SIRT6: variants seen among roughly 807,000 people sequenced by gnomAD.
The protein encoded by SIRT6 is NAD-dependent protein deacylase sirtuin-6.
Under a neutral mutation model 33.6 loss-of-function variants are expected in SIRT6, and 21 were observed. The ratio of observed to expected loss-of-function variants is 0.62; its 90% confidence interval spans 0.44 to 0.90. SIRT6 has a LOEUF of 0.90. SIRT6 is among the 40% of genes least tolerant of loss of function. The probability of loss-of-function intolerance (pLI) is 0.00; values close to 1 mark genes in which losing one functional copy is unlikely to be tolerated. For missense variants in SIRT6, 504 were observed against 510.6 expected (o/e 0.99, Z 0.12); for synonymous variants, 221 against 223.9 (o/e 0.99, Z 0.12).
intron 1 of SIRT6, among the ~76,000 whole-genome samples, chr19:4,181,191 C>T (rs1967636310): frequency 6.6e-6 from 1 of 152,158 alleles, no homozygotes; most frequent in South Asian, 2.1e-4. Context: ...TCTGCTCCAG[C>T]CACACAGGTC....
Position 4,174,689 on chromosome 19 carries a change from T to C in SIRT6, c.996A>G (p.Lys332=). The C allele has an allele frequency of 6.8e-7, 1 of 1,461,774 alleles. No individual in the cohort carries two copies. The highest frequency in any genetic ancestry group is 2.7e-5 in the Admixed American group (1 of 36,712). The allele number at this position is 1,461,774 out of a possible 1,614,324, so 90.6% of individuals were successfully genotyped here. A position where few individuals can be genotyped will look rare whatever the true frequency, so the allele number is the denominator to read the frequency against. ...GGGCAGGGCTGGTGGGCCGCTCCCGTTTGGGGCTGGCGGGCTCTGAGCCGT... is the reference window on the plus strand; with the variant it reads ...GGGCAGGGCTGGTGGGCCGCTCCCGCTTGGGGCTGGCGGGCTCTGAGCCGT... ...QHNGSEPASP[K]RERPTSPAPH... Residue 332 remains lysine, a synonymous_variant, in exon 8 of 8, where the codon AAA becomes AAG. Coordinates refer to ENST00000337491, the MANE Select transcript of SIRT6 (RefSeq NM_016539.4). The surrounding 1 kb of genome is among the most constrained non-coding windows in gnomAD (Gnocchi z 4.2).
chr19:4,179,694 G>C (rs1347947446), intron 2 of SIRT6, among the ~76,000 whole-genome samples: 1 of 152,254 alleles, frequency 6.6e-6, no homozygotes. Context: ...GATCTTGGGG[G>C]AGACAGGTGG....
In SIRT6 at chr19:4,174,656, T is replaced by G; in HGVS notation, c.1029A>C (p.Arg343Ser). ...RERPTSPAPH[R>S]PPKRVKAKAV... ...CCTTGGCCTTCACCCTTTTGGGGGG[T>G]CTGTGGGGGGCAGGGCTGGTGGGCC... is the stretch of plus-strand genomic sequence containing the variant. The change falls in exon 8 of 8, where the codon AGA becomes AGC. Residue 343 changes from arginine (R) to serine (S), a missense_variant. Coordinates refer to ENST00000337491, the MANE Select transcript of SIRT6 (RefSeq NM_016539.4). The surrounding 1 kb of genome is among the most constrained non-coding windows in gnomAD (Gnocchi z 4.2). The G allele has an allele frequency of 6.9e-7, 1 of 1,450,370 alleles. No homozygotes were observed. Among genetic ancestry groups the G allele is most frequent in the Non-Finnish European group, 9.1e-7 (1 of 1,098,988 alleles). The allele number at this position is 1,450,370 out of a possible 1,614,324, so 89.8% of individuals were successfully genotyped here. A position where few individuals can be genotyped will look rare whatever the true frequency, so the allele number is the denominator to read the frequency against.
intron 1 of SIRT6, chr19:4,182,117 G>A (rs899756008): frequency 1.2e-5 from 3 of 258,204 alleles, no homozygotes; most frequent in Non-Finnish European, 2.3e-5. Context: ...TCAGGATAAA[G>A]TGCCAACTCC....
At position 4,175,115 on chromosome 19, in the gene SIRT6, C is replaced by T. The variant is rs1967213589; in HGVS notation, c.651G>A (p.Leu217=). Residue 217 remains leucine (L), a synonymous_variant, in exon 7 of 8, where the codon CTG becomes CTA. Transcript: ENST00000337491. ...GCAGGTTCCCGCTGGGCCGGATCTG[C>T]AGCGATGTACCCAGCGTGATGGACA... is the stretch of plus-strand genomic sequence containing the variant. ...ADLSITLGTS[L]QIRPSGNLPL... is the part of the protein sequence containing the mutation. The T allele has an allele frequency of 6.3e-7, 1 of 1,595,426 alleles. No homozygotes were observed. Among genetic ancestry groups the T allele is most frequent in the Non-Finnish European group, 8.5e-7 (1 of 1,172,690 alleles).
rs1197840997 is a variant in SIRT6 at position 4,179,216 on chromosome 19, C to T, written c.265G>A (p.Ala89Thr). The T allele has an allele frequency of 6.2e-6, 10 of 1,610,788 alleles. No individual in the cohort carries two copies. Among genetic ancestry groups the T allele is most frequent in the South Asian group, 1.1e-5 (1 of 90,432 alleles). The change falls in exon 3 of 8, where the codon GCG becomes ACG. Residue 89 changes from alanine (A) to threonine (T), a missense_variant. By Grantham distance (58) the Ala-to-Thr change is moderately conservative. Coordinates refer to ENST00000337491, the MANE Select transcript of SIRT6 (RefSeq NM_016539.4). ...GCCATGTGGGTCTGCGTGGGCCGCG[C>T]GCTCTCAAAGGTGGTGTCGAACTTG... ...APKFDTTFES[A>T]RPTQTHMALV...
chr19:4,176,724 T>G (rs1023637624), intron 4 of SIRT6, among the ~76,000 whole-genome samples: 4 of 152,170 alleles, frequency 2.6e-5, no homozygotes, highest in African/African-American at 9.7e-5. Context: ...GGCATGGCCC[T>G]GCAGACACCT....
chr19:4,175,885 G>A lies in SIRT6; in HGVS notation c.490C>T (p.Arg164Trp), dbSNP rs201293003. 1.5e-5 allele frequency: 23 copies of A among 1,568,092 alleles called. No homozygotes were observed. Among genetic ancestry groups the A allele is most frequent in the African/African-American group, 4.0e-5 (3 of 74,088 alleles). ...VGTMGLKATGRLCTVAKARGL... is the reference protein window; with the variant it reads ...VGTMGLKATGWLCTVAKARGL... The stretch of plus-strand genomic sequence containing the variant: ...CTTGCCTTAGCCACGGTGCAGAGCC[G>A]GCCCGTGGCCTTCAGGCCCATGGTG... Residue 164 changes from arginine to tryptophan, a missense_variant, in exon 5 of 8, where the codon CGG becomes TGG. Transcript: ENST00000337491.
At chr19:4,182,060 C>T (rs1166322586) in intron 1 of SIRT6, among the ~76,000 whole-genome samples, 1 of 152,104 alleles carries the variant, frequency 6.6e-6, no homozygotes, top group Non-Finnish European at 1.5e-5. Flanking sequence ...CTTTCTGGCA[C>T]ATTCTGTCCA....
Position 4,175,428 on chromosome 19 carries a change from G to A in SIRT6, c.614+252C>T, listed in dbSNP as rs539119103. 369 of 625,424 alleles carry A rather than the reference G, an allele frequency of 5.9e-4. 1 individual carries two copies. The highest frequency in any genetic ancestry group is 4.3e-3 in the African/African-American group (235 of 54,416). 38.7% of individuals were successfully genotyped at this position (625,424 alleles called of 1,614,324 possible). Reference sequence around the variant, plus strand: ...TGGGACCCTGGCTCGGTCACCTCCCGGCTGGGCAGCACTGGATAGAGGAGA... The same window carrying A: ...TGGGACCCTGGCTCGGTCACCTCCCAGCTGGGCAGCACTGGATAGAGGAGA... On this transcript the variant is annotated intron_variant, in intron 6 of 7. Transcript: ENST00000337491.
At chr19:4,175,250 C>G (rs1195783177) in intron 6 of SIRT6, 99 bp from the exon 7 acceptor site, 4 of 1,457,956 alleles carry the variant, frequency 2.7e-6, no homozygotes, top group Middle Eastern at 2.5e-4. Flanking sequence ...TCTGTGCTCA[C>G]CGGGGCGGTC....
chr19:4,182,317 C>A lies in SIRT6; in HGVS notation c.66+157G>T, dbSNP rs1967745579. 10 of 710,464 alleles carry A rather than the reference C, an allele frequency of 1.4e-5. No individual in the cohort carries two copies. The Middle Eastern group carries it at 1.7e-3, about 119-fold the overall frequency. 44.0% of individuals were successfully genotyped at this position (710,464 alleles called of 1,614,324 possible). A position where few individuals can be genotyped will look rare whatever the true frequency, so the allele number is the denominator to read the frequency against. On this transcript the variant is annotated intron_variant, in intron 1 of 7. Transcript: ENST00000337491. ...TTGGGCGTGTTGGCGTCCCCCGGCG[C>A]GCAGGGGCGTCACTTCCCGCCCCTT...
rs201781679 is a variant in SIRT6 at position 4,174,701 on chromosome 19, G to A, written c.984C>T (p.Pro328=). 6.0e-5 allele frequency: 88 copies of A among 1,463,872 alleles called. No individual in the cohort carries two copies. Among genetic ancestry groups the A allele is most frequent in the South Asian group, 2.9e-5 (2 of 69,702 alleles). The allele number at this position is 1,463,872 out of a possible 1,614,324, so 90.7% of individuals were successfully genotyped here. The change falls in exon 8 of 8, where the codon CCC becomes CCT. Residue 328 remains proline, a synonymous_variant. Coordinates refer to ENST00000337491, the MANE Select transcript of SIRT6 (RefSeq NM_016539.4). The surrounding 1 kb of genome is among the most constrained non-coding windows in gnomAD (Gnocchi z 4.2). ...TGGGCCGCTCCCGTTTGGGGCTGGC[G>A]GGCTCTGAGCCGTTGTGCTGGGCGC... ...EPCAQHNGSE[P]ASPKRERPTS...
Position 4,175,069 on chromosome 19 carries a change from C to T in SIRT6, c.697G>A (p.Gly233Arg), listed in dbSNP as rs1318692850. 1.3e-6 allele frequency: 2 copies of T among 1,590,840 alleles called. No homozygotes were observed. The highest frequency in any genetic ancestry group is 1.7e-6 in the Non-Finnish European group (2 of 1,168,272). The change falls in exon 7 of 8, where the codon GGA (glycine) becomes AGA (arginine). Residue 233 changes from glycine to arginine, a missense_variant. Physicochemically the swap from Gly to Arg is moderately radical, Grantham distance 125. Coordinates refer to ENST00000337491, the MANE Select transcript of SIRT6 (RefSeq NM_016539.4). ...AGGTTGACGATGACCAGGCGGCCTCCCCGGCGCTTGGTAGCCAGCGGCAGG... is the reference window on the plus strand; with the variant it reads ...AGGTTGACGATGACCAGGCGGCCTCTCCGGCGCTTGGTAGCCAGCGGCAGG... ...GNLPLATKRR[G>R]GRLVIVNLQP...
chr19:4,175,344 C>A (rs973633945), intron 6 of SIRT6, 193 bp from the exon 7 acceptor site: 2 of 770,428 alleles, frequency 2.6e-6, no homozygotes, highest in Non-Finnish European at 4.1e-6. Context: ...TTGATCTGGG[C>A]GGGCCCTTAG....
chr19:4,175,967 A>C, intron 4 of SIRT6, 30 bp from the exon 5 acceptor site: 1 of 1,544,802 alleles, frequency 6.5e-7, no homozygotes, highest in Non-Finnish European at 8.8e-7. Context: ...GGAGGATGGG[A>C]CCAGGTGAGC....
intron 1 of SIRT6, 80 bp downstream of exon 1, chr19:4,182,394 C>T: frequency 7.0e-7 from 1 of 1,419,496 alleles, no homozygotes; most frequent in Non-Finnish European, 9.6e-7. Flanking sequence ...CCTGATATTC[C>T]CACAATGCCC....
intron 3 of SIRT6, among the ~76,000 whole-genome samples, chr19:4,178,218 G>T (rs1192028530): frequency 6.6e-6 from 1 of 151,312 alleles, no homozygotes. Context: ...GTAGAGATGG[G>T]GTTTCAACAT....
chr19:4,176,447 G>A (rs1207933807), intron 4 of SIRT6, among the ~76,000 whole-genome samples: 1 of 152,190 alleles, frequency 6.6e-6, no homozygotes, highest in African/African-American at 2.4e-5. Flanking sequence ...ATATTAGCCA[G>A]GTGTGGTGGC....
Sources: gnomAD v4.1 joint callset for allele counts (sites outside exome capture counted in the v4.1 genomes callset) on GRCh38, gnomAD v4.1.1 for gene constraint, Gnocchi (gnomAD v3.1) non-coding constraint, MANE v1.5 for transcripts, NCBI Gene and HGNC (gene_info 2026-07-23, HGNC 2026-07-21) for gene names.